CSMD1: variants seen among roughly 807,000 people sequenced by gnomAD.
The protein encoded by CSMD1 is CUB and sushi domain-containing protein 1.
A neutral mutation model predicts 417.5 loss-of-function variants in CSMD1; 213 were observed. The ratio of observed to expected loss-of-function variants is 0.51; its 90% CI spans 0.46 to 0.57. The LOEUF is 0.57. Among genes scored for constraint, CSMD1 ranks in the 20% least tolerant of loss-of-function variants. CSMD1 has a pLI of 0.00. For missense variants in CSMD1, 6,923 were observed against 4,529.7 expected (o/e 1.53, Z -15.17); for synonymous variants, 2,862 against 1,736.8 (o/e 1.65, Z -16.11).
At chr8:4,902,524 C>T (rs73185769) in intron 1 of CSMD1, among the ~76,000 whole-genome samples, 10,853 of 151,948 alleles carry the variant, frequency 0.071, 456 homozygotes, top group Middle Eastern at 0.13. Flanking sequence ...GTCAACTTTA[C>T]ATCAAATTTT....
At chr8:4,023,043 C>T (rs947665946) in intron 4 of CSMD1, among the ~76,000 whole-genome samples, 3 of 152,196 alleles carry the variant, frequency 2.0e-5, no homozygotes, top group African/African-American at 4.8e-5. Flanking sequence ...CTCACAGATG[C>T]TTCCATTTCC....
chr8:4,126,255 C>T (rs559652962), intron 3 of CSMD1, among the ~76,000 whole-genome samples: 11 of 152,262 alleles, frequency 7.2e-5, no homozygotes, highest in Admixed American at 5.2e-4. Context: ...GTCTCCCACA[C>T]GACCGGCTCT....
At chr8:3,190,843 G>C (rs1359425256) in intron 33 of CSMD1, among the ~76,000 whole-genome samples, 2 of 152,196 alleles carry the variant, frequency 1.3e-5, no homozygotes, top group Non-Finnish European at 2.9e-5. Context: ...CGTGCTAAGT[G>C]AAATAAGCAA....
intron 38 of CSMD1, among the ~76,000 whole-genome samples, chr8:3,159,989 A>C (rs1011565575): frequency 1.3e-5 from 2 of 152,214 alleles, no homozygotes; most frequent in Non-Finnish European, 2.9e-5. Context: ...TTTGAGGGAG[A>C]ATGGAGGAAA....
intron 1 of CSMD1, among the ~76,000 whole-genome samples, chr8:4,733,467 T>TA (rs1316780877): frequency 6.6e-6 from 1 of 152,192 alleles, no homozygotes; most frequent in Non-Finnish European, 1.5e-5. Context: ...TAATGTCTAC[T>TA]AAAATCTATT....
At chr8:4,055,114 TGTA>T (rs1277828255) in intron 3 of CSMD1, among the ~76,000 whole-genome samples, 1 of 152,188 alleles carries the variant, frequency 6.6e-6, no homozygotes, top group African/African-American at 2.4e-5. Context: ...TTGAGCTTTG[TGTA>T]GTAGATGATA....
intron 3 of CSMD1, among the ~76,000 whole-genome samples, chr8:4,203,897 T>G (rs916988823): frequency 5.3e-5 from 8 of 152,028 alleles, no homozygotes; most frequent in South Asian, 2.1e-4. Context: ...GCCAAGGAGT[T>G]TGAGGCCAGC....
At chr8:3,769,506 G>T (rs1350048809) in intron 5 of CSMD1, among the ~76,000 whole-genome samples, 1 of 150,006 alleles carries the variant, frequency 6.7e-6, no homozygotes, top group Non-Finnish European at 1.5e-5. Context: ...AAAAAAATAA[G>T]AAAAAATATA....
intron 12 of CSMD1, among the ~76,000 whole-genome samples, chr8:3,411,547 G>C (rs950961534): frequency 1.3e-5 from 2 of 151,414 alleles, no homozygotes; most frequent in South Asian, 2.1e-4. Context: ...TATGATGTTT[G>C]GCTTTGCATT....
chr8:4,579,278 T>G (rs74579702), intron 2 of CSMD1, among the ~76,000 whole-genome samples: 2,820 of 151,108 alleles, frequency 0.019, 93 homozygotes, highest in African/African-American at 0.066. Context: ...CATATATATA[T>G]GTATATATAT....
intron 7 of CSMD1, among the ~76,000 whole-genome samples, chr8:3,701,309 CTCTT>C (rs990930375): frequency 6.6e-6 from 1 of 152,120 alleles, no homozygotes; most frequent in African/African-American, 2.4e-5. Flanking sequence ...GTTTTCTTCT[CTCTT>C]TATTTCTCAT....
At chr8:4,684,085 G>A (rs1806219090) in intron 1 of CSMD1, among the ~76,000 whole-genome samples, 1 of 152,056 alleles carries the variant, frequency 6.6e-6, no homozygotes, top group Non-Finnish European at 1.5e-5. Flanking sequence ...AAAATCCAGG[G>A]AATTTTGTAC....
chr8:3,654,817 G>C (rs542308903), intron 7 of CSMD1, among the ~76,000 whole-genome samples: 1 of 152,058 alleles, frequency 6.6e-6, no homozygotes, highest in African/African-American at 2.4e-5. Flanking sequence ...CTACCATGGC[G>C]CCCAGGATCC....
chr8:3,030,148 G>T (rs922889979), intron 50 of CSMD1, among the ~76,000 whole-genome samples: 7 of 152,150 alleles, frequency 4.6e-5, no homozygotes, highest in African/African-American at 1.7e-4. Context: ...AGTAGCAATT[G>T]TAATAGTGAC....
intron 30 of CSMD1, among the ~76,000 whole-genome samples, chr8:3,213,514 T>G (rs1295985867): frequency 2.0e-5 from 3 of 152,162 alleles, no homozygotes; most frequent in African/African-American, 7.2e-5. Flanking sequence ...CACTGTAGGT[T>G]AGTTTTGTCT....
intron 10 of CSMD1, among the ~76,000 whole-genome samples, chr8:3,573,209 A>G (rs141866470): frequency 0.027 from 4,159 of 152,284 alleles, 170 homozygotes; most frequent in African/African-American, 0.09. Context: ...TGTTTTTCAC[A>G]ACTATTCTCT....
intron 23 of CSMD1, among the ~76,000 whole-genome samples, chr8:3,330,075 C>T (rs1806793539): frequency 6.6e-6 from 1 of 152,124 alleles, no homozygotes; most frequent in African/African-American, 2.4e-5. Flanking sequence ...GGCCCCATCC[C>T]TGGGTGCAGC....
At chr8:3,080,469 C>T (rs1814006670) in intron 49 of CSMD1, among the ~76,000 whole-genome samples, 1 of 152,168 alleles carries the variant, frequency 6.6e-6, no homozygotes, top group Admixed American at 6.5e-5. Flanking sequence ...ACCTGGAGTT[C>T]CCTGAAACCA....
At chr8:4,204,853 G>A (rs1250905613) in intron 3 of CSMD1, among the ~76,000 whole-genome samples, 1 of 151,922 alleles carries the variant, frequency 6.6e-6, no homozygotes, top group Non-Finnish European at 1.5e-5. Flanking sequence ...CAAAGACAGG[G>A]TATCACTATA....
Sources: allele counts gnomAD v4.1 joint callset (sites outside exome capture counted in the v4.1 genomes callset), GRCh38; gene constraint gnomAD v4.1.1; transcripts MANE v1.5; gene names NCBI Gene and HGNC (gene_info 2026-07-23, HGNC 2026-07-21).